DMRT1: variants seen among roughly 807,000 people sequenced by gnomAD.
DMRT1 encodes doublesex and mab-3 related transcription factor 1, also known as doublesex- and mab-3-related transcription factor 1.
DMRT1 carries 7 observed loss-of-function variants against 32.3 expected under a neutral mutation model. That is an observed-to-expected ratio of 0.22 (90% CI 0.12 to 0.41). The LOEUF is 0.41. Ranked by LOEUF, DMRT1 falls within the 10% of genes least tolerant of loss-of-function variation. The probability of loss-of-function intolerance (pLI) is 1.00; values close to 1 mark genes in which losing one functional copy is unlikely to be tolerated. For missense variants in DMRT1, 625 were observed against 500.5 expected, an observed-to-expected ratio of 1.25 and a Z score of -2.37; for synonymous variants, 278 against 206.1, an observed-to-expected ratio of 1.35 and a Z score of -2.99.
chr9:925,394 C>G (rs6477370), intron 4 of DMRT1, among the ~76,000 whole-genome samples: 121,089 of 152,156 alleles, frequency 0.8, 48,313 homozygotes, highest in South Asian at 0.9. Flanking sequence ...CTTCCCTTTG[C>G]AAAACTTGAA....
intron 2 of DMRT1, among the ~76,000 whole-genome samples, chr9:886,246 G>A (rs1564224309): frequency 6.6e-6 from 1 of 152,022 alleles, no homozygotes; most frequent in African/African-American, 2.4e-5. Flanking sequence ...AGCCAACTGT[G>A]TTTTTTTGTT....
chr9:957,608 G>T (rs969858181), intron 4 of DMRT1, among the ~76,000 whole-genome samples: 1 of 152,192 alleles, frequency 6.6e-6, no homozygotes, highest in African/African-American at 2.4e-5. Context: ...GAGTAGGCAT[G>T]TATTCTCCTG....
chr9:900,620 C>G (rs1817535968), intron 3 of DMRT1, among the ~76,000 whole-genome samples: 1 of 150,360 alleles, frequency 6.7e-6, no homozygotes, highest in Non-Finnish European at 1.5e-5. Context: ...TTAAAATACT[C>G]TTAAATTGAA....
chr9:908,362 G>A (rs1564242895), intron 3 of DMRT1, among the ~76,000 whole-genome samples: 1 of 152,114 alleles, frequency 6.6e-6, no homozygotes, highest in Non-Finnish European at 1.5e-5. Context: ...GGAGCCTGAG[G>A]TGAGAGGATC....
intron 2 of DMRT1, among the ~76,000 whole-genome samples, chr9:867,318 C>G (rs1376215971): frequency 6.6e-6 from 1 of 152,194 alleles, no homozygotes; most frequent in African/African-American, 2.4e-5. Context: ...GATCCACACA[C>G]GACTATGAAT....
intron 4 of DMRT1, among the ~76,000 whole-genome samples, chr9:948,906 T>A (rs1410293356): frequency 2.9e-5 from 1 of 34,868 alleles, no homozygotes; most frequent in Non-Finnish European, 8.3e-5. Context: ...AAATACAAAA[T>A]AATAATAATA....
chr9:932,809 A>G (rs572930276), intron 4 of DMRT1, among the ~76,000 whole-genome samples: 1 of 152,252 alleles, frequency 6.6e-6, no homozygotes, highest in African/African-American at 2.4e-5. Flanking sequence ...AAAGTGCTTT[A>G]CTTACTCTAA....
At chr9:938,806 G>C (rs1481620641) in intron 4 of DMRT1, among the ~76,000 whole-genome samples, 4 of 152,200 alleles carry the variant, frequency 2.6e-5, no homozygotes, top group African/African-American at 9.7e-5. Flanking sequence ...GGGCATCGTT[G>C]TTTGGTTTCT....
At chr9:899,715 A>T (rs192125395) in intron 3 of DMRT1, among the ~76,000 whole-genome samples, 1 of 152,342 alleles carries the variant, frequency 6.6e-6, no homozygotes, top group Non-Finnish European at 1.5e-5. Flanking sequence ...CCTCCACCGC[A>T]ACATTATCTC....
At chr9:881,237 C>G (rs1816725018) in intron 2 of DMRT1, among the ~76,000 whole-genome samples, 1 of 152,178 alleles carries the variant, frequency 6.6e-6, no homozygotes, top group African/African-American at 2.4e-5. Context: ...CTGTTCATGA[C>G]AGCCAGGAAA....
intron 4 of DMRT1, among the ~76,000 whole-genome samples, chr9:927,296 G>C (rs1369688482): frequency 6.6e-6 from 1 of 152,222 alleles, no homozygotes; most frequent in African/African-American, 2.4e-5. Flanking sequence ...GATGAAGCTT[G>C]TCATGCATCT....
chr9:869,259 C>G (rs574462358), intron 2 of DMRT1, among the ~76,000 whole-genome samples: 1 of 152,266 alleles, frequency 6.6e-6, no homozygotes, highest in South Asian at 2.1e-4. Flanking sequence ...TGGTGACATG[C>G]AATGGAGACC....
At chr9:848,489 C>G (rs1460968219) in intron 2 of DMRT1, among the ~76,000 whole-genome samples, 1 of 150,602 alleles carries the variant, frequency 6.6e-6, no homozygotes, top group Non-Finnish European at 1.5e-5. Context: ...ACTCTTTTTT[C>G]TTTGCTTGGA....
intron 3 of DMRT1, among the ~76,000 whole-genome samples, chr9:907,358 C>G (rs1007309195): frequency 6.6e-6 from 1 of 152,054 alleles, no homozygotes; most frequent in Non-Finnish European, 1.5e-5. Flanking sequence ...GATTTGTGAA[C>G]TAGACAAATG....
At chr9:926,416 C>CT (rs977568667) in intron 4 of DMRT1, among the ~76,000 whole-genome samples, 1 of 152,142 alleles carries the variant, frequency 6.6e-6, no homozygotes, top group Non-Finnish European at 1.5e-5. Context: ...TATTTATTCT[C>CT]TTTTTTCCCT....
At chr9:924,657 G>A (rs936514920) in intron 4 of DMRT1, among the ~76,000 whole-genome samples, 1 of 152,148 alleles carries the variant, frequency 6.6e-6, no homozygotes, top group Non-Finnish European at 1.5e-5. Flanking sequence ...ATGGTCTGCC[G>A]AGTGAGGAAG....
intron 1 of DMRT1, among the ~76,000 whole-genome samples, chr9:843,531 C>T (rs759415321): frequency 1.3e-5 from 2 of 152,124 alleles, no homozygotes; most frequent in Non-Finnish European, 2.9e-5. Context: ...AGATTTGGTC[C>T]GTCTGTGGTT....
chr9:914,699 AC>A (rs1259199048), intron 3 of DMRT1, among the ~76,000 whole-genome samples: 1 of 152,142 alleles, frequency 6.6e-6, no homozygotes, highest in Non-Finnish European at 1.5e-5. Flanking sequence ...AAGGGGACTT[AC>A]CCAGGTAAAC....
At chr9:892,557 C>T (rs778271737) in intron 2 of DMRT1, among the ~76,000 whole-genome samples, 2 of 152,156 alleles carry the variant, frequency 1.3e-5, no homozygotes, top group African/African-American at 4.8e-5. Context: ...TCCTCTCTTA[C>T]ATTTGCAGGC....
Sources: gnomAD v4.1 joint callset for allele counts (sites outside exome capture counted in the v4.1 genomes callset) on GRCh38, gnomAD v4.1.1 for gene constraint, MANE v1.5 for transcripts, NCBI Gene and HGNC (gene_info 2026-07-23, HGNC 2026-07-21) for gene names.